Variants in CPEB3 observed in about 807,000 individuals in gnomAD.
The protein encoded by CPEB3 is cytoplasmic polyadenylation element binding protein 3.
A neutral mutation model predicts 67.2 loss-of-function variants in CPEB3; 20 were observed. The ratio of observed to expected loss-of-function variants is 0.30; its 90% CI spans 0.21 to 0.43. CPEB3 has a LOEUF of 0.43. Among genes scored for constraint, CPEB3 ranks in the 20% least tolerant of loss-of-function variants. The probability of loss-of-function intolerance (pLI) is 1.00; values close to 1 mark genes in which losing one functional copy is unlikely to be tolerated. For synonymous variants in CPEB3, 376 were observed against 393.1 expected, an observed-to-expected ratio of 0.96 and a Z score of 0.51; for missense variants, 746 against 968.6, an observed-to-expected ratio of 0.77 and a Z score of 3.05.
Position 92,144,986 on chromosome 10 carries a change from C to T in CPEB3, c.1322G>A (p.Arg441Lys). 1 of 1,614,148 alleles carries T rather than the reference C, an allele frequency of 6.2e-7. No individual in the cohort carries two copies. Among genetic ancestry groups the T allele is most frequent in the Non-Finnish European group, 8.5e-7 (1 of 1,180,022 alleles). ...AGGAAGTCCTCCAACAAACACCTTTCTAGAGTAGCGTTCTACTCGTTCCCC... is the reference window on the plus strand; with the variant it reads ...AGGAAGTCCTCCAACAAACACCTTTTTAGAGTAGCGTTCTACTCGTTCCCC... ...QNGERVERYS[R>K]KVFVGGLPPD... is the part of the protein sequence containing the mutation. Residue 441 changes from arginine (R) to lysine (K), a missense_variant, in exon 5 of 10, where the codon AGA (arginine) becomes AAA (lysine). Arg to Lys is a conservative substitution (Grantham distance 26, BLOSUM62 2). Transcript: ENST00000265997.
chr10:92,192,242 C>A (rs1380721184), intron 3 of CPEB3, among the ~76,000 whole-genome samples: 1 of 152,168 alleles, frequency 6.6e-6, no homozygotes, highest in East Asian at 1.9e-4. Flanking sequence ...ATGTGACTAA[C>A]CTCAGCTACC....
intron 2 of CPEB3, among the ~76,000 whole-genome samples, chr10:92,208,547 T>C (rs1849904091): frequency 6.6e-5 from 10 of 152,062 alleles, no homozygotes; most frequent in Admixed American, 5.9e-4. Flanking sequence ...TTTAAGGAAG[T>C]TGGGCAATGT....
intron 4 of CPEB3, among the ~76,000 whole-genome samples, chr10:92,177,640 AT>A (rs1202157833): frequency 6.6e-6 from 1 of 152,200 alleles, no homozygotes; most frequent in Admixed American, 6.5e-5. Flanking sequence ...GTGGTATCCT[AT>A]CTTTGTCTTC....
At chr10:92,170,465 G>A (rs1847948902) in intron 4 of CPEB3, among the ~76,000 whole-genome samples, 1 of 152,152 alleles carries the variant, frequency 6.6e-6, no homozygotes, top group African/African-American at 2.4e-5. Flanking sequence ...TACCTTACTG[G>A]AGAGAGTGGG....
intron 6 of CPEB3, among the ~76,000 whole-genome samples, chr10:92,132,302 G>A (rs1845879572): frequency 1.3e-5 from 2 of 152,054 alleles, no homozygotes; most frequent in Admixed American, 1.3e-4. Context: ...AAACAAAACT[G>A]GGGGATCTGT....
rs1188485441 is a variant in CPEB3, at chr10:92,239,600, C to A, written c.751G>T (p.Ala251Ser). Residue 251 changes from alanine to serine, a missense_variant, in exon 2 of 10, where the codon GCC becomes TCC. Coordinates refer to ENST00000265997, the MANE Select transcript of CPEB3 (RefSeq NM_014912.5). This position sits in a 1 kb window ranked among gnomAD's most constrained non-coding sequence, Gnocchi z 6.0. ...CAGGGGTTGGACGGTGCGCTCCAGG[C>A]TGCATTCACGCTTTGGTGCGTGTTC... ...SWNTHQSVNA[A>S]WSAPSNPWGG... 5 of 1,555,546 alleles carry A rather than the reference C, an allele frequency of 3.2e-6. No individual in the cohort carries two copies. The highest frequency in any genetic ancestry group is 4.3e-6 in the Non-Finnish European group (5 of 1,149,554).
chr10:92,264,942 G>T (rs1017125781), intron 1 of CPEB3, among the ~76,000 whole-genome samples: 1 of 152,016 alleles, frequency 6.6e-6, no homozygotes, highest in Non-Finnish European at 1.5e-5. Context: ...AAGGTGGGCG[G>T]ATCACCTGAG....
chr10:92,210,648 A>G (rs1850031979), intron 2 of CPEB3, among the ~76,000 whole-genome samples: 1 of 152,234 alleles, frequency 6.6e-6, no homozygotes, highest in African/African-American at 2.4e-5. Context: ...ATTCAATTCC[A>G]ATGGATATAT....
chr10:92,275,802 A>G (rs1841950643), intron 1 of CPEB3, among the ~76,000 whole-genome samples: 1 of 151,190 alleles, frequency 6.6e-6, no homozygotes, highest in Admixed American at 6.6e-5. Context: ...AATGTTTTCA[A>G]GGTTCATCCA....
In CPEB3 at chr10:92,239,067, T is replaced by C. The variant is rs1375024236; in HGVS notation, c.1005+279A>G. Among the ~76,000 whole-genome samples, 1 of 151,984 alleles carries C rather than the reference T, an allele frequency of 6.6e-6. No homozygotes were observed. Among genetic ancestry groups the C allele is most frequent in the African/African-American group, 2.4e-5 (1 of 41,362 alleles). On this transcript the variant is annotated intron_variant, in intron 2 of 9. Transcript: ENST00000265997. This position sits in a 1 kb window ranked among gnomAD's most constrained non-coding sequence, Gnocchi z 6.0. ...CTTTACTTGTCAAAGGAAGTCAAAA[T>C]AAGAGGTACAAACACCATGAAGGAG...
rs143773953 is a variant in CPEB3, at chr10:92,145,023, G to A, written c.1285C>T (p.Arg429Cys). ...TCTACTCGTTCCCCATTTTGACAGC[G>A]AGTGGGAGAACTTAAGCCAGATGAC... is the stretch of plus-strand genomic sequence containing the variant. ...ALSSGLSSPT[R>C]CQNGERVERY... is the part of the protein sequence containing the mutation. The change falls in exon 5 of 10, where the codon CGC becomes TGC. Residue 429 changes from arginine (R) to cysteine (C), a missense_variant. Arg to Cys is a radical substitution (Grantham distance 180, BLOSUM62 -3). This residue lies in a region of CPEB3 where 643 missense variants were observed against 717.5 expected (regional missense o/e 0.90). Transcript: ENST00000265997. 3.7e-6 allele frequency: 6 copies of A among 1,613,900 alleles called. No homozygotes were observed. Among genetic ancestry groups the A allele is most frequent in the Admixed American group, 1.7e-5 (1 of 59,996 alleles).
chr10:92,110,382 G>A (rs182374815), intron 7 of CPEB3, among the ~76,000 whole-genome samples: 6 of 152,258 alleles, frequency 3.9e-5, no homozygotes, highest in Admixed American at 3.9e-4. Flanking sequence ...CCCTACTTCT[G>A]TCACATAAAT....
intron 9 of CPEB3, among the ~76,000 whole-genome samples, chr10:92,067,521 G>A (rs1842600330): frequency 6.8e-6 from 1 of 146,992 alleles, no homozygotes; most frequent in Admixed American, 6.8e-5. Context: ...AAAAAAGAAA[G>A]AAAATTAAAG....
At chr10:92,269,642 C>T (rs1213694284) in intron 1 of CPEB3, among the ~76,000 whole-genome samples, 1 of 152,190 alleles carries the variant, frequency 6.6e-6, no homozygotes, top group Non-Finnish European at 1.5e-5. Context: ...ACCACAACCT[C>T]TGCCTCCCAG....
intron 1 of CPEB3, among the ~76,000 whole-genome samples, chr10:92,266,171 A>G (rs1212485147): frequency 6.6e-6 from 1 of 152,200 alleles, no homozygotes; most frequent in Non-Finnish European, 1.5e-5. Context: ...ACTGTAAGAA[A>G]TAAATTTATT....
intron 8 of CPEB3, among the ~76,000 whole-genome samples, chr10:92,083,905 C>T (rs777111742): frequency 1.3e-5 from 2 of 152,112 alleles, no homozygotes; most frequent in African/African-American, 4.8e-5. Context: ...TCAGGATCGC[C>T]GGGCACGGTG....
intron 9 of CPEB3, among the ~76,000 whole-genome samples, chr10:92,061,112 C>CT (rs1842326189): frequency 6.6e-6 from 1 of 152,108 alleles, no homozygotes; most frequent in South Asian, 2.1e-4. Context: ...TGGAAGCAAC[C>CT]TAAGTGTCCA....
intron 1 of CPEB3, among the ~76,000 whole-genome samples, chr10:92,281,749 T>G (rs913348432): frequency 2.0e-5 from 3 of 152,232 alleles, no homozygotes; most frequent in Non-Finnish European, 2.9e-5. Context: ...GGACATTAAG[T>G]GAAACTAGTT....
intron 6 of CPEB3, among the ~76,000 whole-genome samples, chr10:92,132,444 G>A (rs1468688742): frequency 6.6e-6 from 1 of 152,104 alleles, no homozygotes; most frequent in Non-Finnish European, 1.5e-5. Flanking sequence ...AACAACATGT[G>A]TAGTATTTTC....
Sources: allele counts gnomAD v4.1 joint callset (sites outside exome capture counted in the v4.1 genomes callset), GRCh38; gene constraint gnomAD v4.1.1; regional missense constraint gnomAD v4.1.1; non-coding constraint Gnocchi (gnomAD v3.1); transcripts MANE v1.5; gene names NCBI Gene and HGNC (gene_info 2026-07-23, HGNC 2026-07-21).